Variants in CEP162 observed in about 807,000 individuals in gnomAD.
CEP162 encodes the protein centrosomal protein 162.
In CEP162, 141 loss-of-function variants were observed where a neutral mutation model predicts 169.2. That is an observed-to-expected ratio of 0.83 (90% confidence interval 0.73 to 0.96). CEP162 has a LOEUF of 0.96. Ranked by LOEUF, CEP162 falls within the 40% of genes least tolerant of loss-of-function variation. The pLI, the probability that CEP162 is intolerant of heterozygous loss-of-function variation, is 0.00. For missense variants in CEP162, 1,600 were observed against 1,587.2 expected (o/e 1.01, Z -0.14); for synonymous variants, 540 against 526.4 (o/e 1.03, Z -0.35).
chr6:84,174,350 T>A (rs927191176), intron 15 of CEP162, among the ~76,000 whole-genome samples, 162 bp from the exon 16 acceptor site: 1 of 152,204 alleles, frequency 6.6e-6, no homozygotes, highest in Non-Finnish European at 1.5e-5. Context: ...TGCTGTTTTG[T>A]GCTGATGGTG....
intron 19 of CEP162, among the ~76,000 whole-genome samples, chr6:84,162,256 A>T (rs1274006008): frequency 1.3e-5 from 2 of 152,176 alleles, no homozygotes; most frequent in Admixed American, 1.3e-4. Flanking sequence ...AAAATGAAGA[A>T]CGCCCATAAT....
intron 3 of CEP162, among the ~76,000 whole-genome samples, chr6:84,219,407 A>G (rs2099552789): frequency 6.6e-6 from 1 of 152,170 alleles, no homozygotes. Flanking sequence ...AATACCATCA[A>G]TCAGGTTACA....
intron 6 of CEP162, among the ~76,000 whole-genome samples, chr6:84,206,925 C>T (rs1270210768): frequency 6.6e-6 from 1 of 152,182 alleles, no homozygotes; most frequent in Non-Finnish European, 1.5e-5. Flanking sequence ...TGAATAGATA[C>T]TTCTCAAAAG....
chr6:84,136,660 T>C (rs773850929), intron 25 of CEP162, among the ~76,000 whole-genome samples: 1 of 152,180 alleles, frequency 6.6e-6, no homozygotes, highest in Non-Finnish European at 1.5e-5. Flanking sequence ...TTCACTGCTA[T>C]ATCTTAAGAA....
intron 18 of CEP162, among the ~76,000 whole-genome samples, chr6:84,166,763 C>T (rs1367326501): frequency 1.3e-5 from 2 of 152,110 alleles, no homozygotes; most frequent in Non-Finnish European, 2.9e-5. Flanking sequence ...TAAGAATATA[C>T]TAATTGGCAC....
At position 84,127,408 on chromosome 6, in the gene CEP162, T is replaced by C. The variant is rs2099509371; in HGVS notation, c.3871-896A>G. ...AGCAAATTAAATCAGAGGCAATCTA[T>C]TTTAAATGTGGAGCATCCCTGATGA... On this transcript the variant is annotated intron_variant, in intron 25 of 26. Coordinates refer to ENST00000403245, the MANE Select transcript of CEP162 (RefSeq NM_014895.4). Among the ~76,000 whole-genome samples, 4 of 152,212 alleles carry C rather than the reference T, an allele frequency of 2.6e-5. No individual in the cohort carries two copies. The South Asian group carries it at 8.3e-4, about 32-fold the overall frequency.
At chr6:84,176,119 T>C (rs758164894) in intron 13 of CEP162, among the ~76,000 whole-genome samples, 7 of 152,162 alleles carry the variant, frequency 4.6e-5, no homozygotes, top group Admixed American at 6.5e-5. Flanking sequence ...AAACAATATC[T>C]GATTGCTTTA....
chr6:84,152,985 T>C lies in CEP162; in HGVS notation c.3189A>G (p.Lys1063=). 1.2e-6 allele frequency: 2 copies of C among 1,613,598 alleles called. No homozygotes were observed. The highest frequency in any genetic ancestry group is 1.7e-6 in the Non-Finnish European group (2 of 1,179,766). Residue 1063 remains lysine, a synonymous_variant, in exon 23 of 27, where the codon AAA becomes AAG. Transcript: ENST00000403245. ...KHQNAELDVK[K]NDKDDEDFQS... is the part of the protein sequence containing the mutation. ...GAAAATCTTCATCATCTTTATCATT[T>C]TTCTTGACGTCTAATTCAGCATTCT...
At chr6:84,152,457 C>T (rs2099521480) in intron 23 of CEP162, 88 bp downstream of exon 23, 1 of 689,352 alleles carries the variant, frequency 1.5e-6, no homozygotes, top group Admixed American at 3.7e-5. Context: ...CGGGGTCAAA[C>T]TAATTATCTG....
intron 17 of CEP162, among the ~76,000 whole-genome samples, chr6:84,171,040 T>C (rs891873314): frequency 1.4e-4 from 21 of 152,178 alleles, no homozygotes; most frequent in Non-Finnish European, 1.3e-4. Context: ...CAATTTATTC[T>C]CCAGAGCTTC....
intron 2 of CEP162, 57 bp from the exon 3 acceptor site, chr6:84,221,228 G>C (rs974092737): frequency 1.2e-6 from 1 of 841,808 alleles, no homozygotes; most frequent in Non-Finnish European, 2.0e-6. Context: ...AAGAATCTCA[G>C]ATTCATCATT....
At chr6:84,140,560 C>T (rs1000083753) in intron 25 of CEP162, among the ~76,000 whole-genome samples, 1 of 152,170 alleles carries the variant, frequency 6.6e-6, no homozygotes, top group Non-Finnish European at 1.5e-5. Flanking sequence ...CAGGGTCTTG[C>T]TCTGTCACCC....
chr6:84,202,972 C>T (rs988675058), intron 7 of CEP162, among the ~76,000 whole-genome samples: 29 of 152,124 alleles, frequency 1.9e-4, no homozygotes, highest in African/African-American at 6.3e-4. Flanking sequence ...CTTTTGAGTC[C>T]ACGTTTTCAT....
chr6:84,135,671 TG>T (rs2099513733), intron 25 of CEP162, among the ~76,000 whole-genome samples: 1 of 152,186 alleles, frequency 6.6e-6, no homozygotes, highest in Admixed American at 6.5e-5. Flanking sequence ...CAGACCAGCC[TG>T]GCCGACATGG....
chr6:84,159,518 A>T (rs1201558816), intron 21 of CEP162, among the ~76,000 whole-genome samples: 11 of 76,208 alleles, frequency 1.4e-4, no homozygotes, highest in African/African-American at 2.7e-4. Flanking sequence ...TTTAAAATTA[A>T]TTATTTATAT....
At chr6:84,209,974 T>G (rs1216896670) in intron 6 of CEP162, among the ~76,000 whole-genome samples, 1 of 151,980 alleles carries the variant, frequency 6.6e-6, no homozygotes, top group Non-Finnish European at 1.5e-5. Context: ...TGTCAGAGAT[T>G]TCAGGAACAA....
At chr6:84,193,582 AC>A in intron 11 of CEP162, 26 bp downstream of exon 11, 1 of 1,411,940 alleles carries the variant, frequency 7.1e-7, no homozygotes, top group Non-Finnish European at 9.7e-7. Context: ...GTTTCCAATG[AC>A]AAAACAATAA....
intron 2 of CEP162, among the ~76,000 whole-genome samples, chr6:84,223,883 G>A (rs1420814552): frequency 6.6e-6 from 1 of 151,672 alleles, no homozygotes; most frequent in Non-Finnish European, 1.5e-5. Flanking sequence ...TCCAGCCTGG[G>A]CAACAGAGCA....
chr6:84,221,985 A>T (rs1228586270), intron 2 of CEP162, among the ~76,000 whole-genome samples: 1 of 151,794 alleles, frequency 6.6e-6, no homozygotes, highest in Admixed American at 6.6e-5. Flanking sequence ...TCAGCACTGC[A>T]TCTCCAGTGC....
Sources: allele counts gnomAD v4.1 joint callset (sites outside exome capture counted in the v4.1 genomes callset), GRCh38; gene constraint gnomAD v4.1.1; transcripts MANE v1.5; gene names NCBI Gene and HGNC (gene_info 2026-07-23, HGNC 2026-07-21).